Variants in TECPR2 observed in about 807,000 individuals in gnomAD.
TECPR2 encodes the protein tectonin beta-propeller repeat containing 2, also known as tectonin beta-propeller repeat-containing protein 2.
Under a neutral mutation model 138.1 loss-of-function variants are expected in TECPR2, and 65 were observed. The ratio of observed to expected loss-of-function variants is 0.47; its 90% confidence interval spans 0.39 to 0.58. TECPR2 has a LOEUF of 0.58. Ranked by LOEUF, TECPR2 falls within the 20% of genes least tolerant of loss-of-function variation. TECPR2 has a pLI of 0.00. For synonymous variants in TECPR2, 746 were observed against 749.8 expected (o/e 0.99, Z 0.08); for missense variants, 1,553 against 1,824.5 (o/e 0.85, Z 2.71).
Position 102,493,544 on chromosome 14 carries a change from G to A in TECPR2, c.3790-3435G>A, listed in dbSNP as rs117216677. Among the ~76,000 whole-genome samples, 103 of 152,366 alleles carry A rather than the reference G, an allele frequency of 6.8e-4. 4 individuals carry two copies. The East Asian group carries it at 0.016, about 24-fold the overall frequency. On this transcript the variant is annotated intron_variant, in intron 17 of 19. Coordinates refer to ENST00000359520, the MANE Select transcript of TECPR2 (RefSeq NM_014844.5). ...AAATGGATGTGATGTATGGAAAGGG[G>A]GTTCCATAGCCAAACAAGTTAAGCT...
chr14:102,389,751 C>T (rs17717538), intron 2 of TECPR2, among the ~76,000 whole-genome samples: 5,726 of 152,188 alleles, frequency 0.038, 122 homozygotes, highest in Middle Eastern at 0.088. Flanking sequence ...TTTCCTTTAC[C>T]GGGAATTTGC....
chr14:102,406,635 C>A (rs907946649), intron 2 of TECPR2, among the ~76,000 whole-genome samples: 1 of 152,126 alleles, frequency 6.6e-6, no homozygotes, highest in Non-Finnish European at 1.5e-5. Context: ...AGGAAGATCC[C>A]TTGTGCCCAG....
intron 16 of TECPR2, among the ~76,000 whole-genome samples, chr14:102,464,798 T>A (rs999339811): frequency 6.6e-6 from 1 of 152,184 alleles, no homozygotes; most frequent in East Asian, 1.9e-4. Flanking sequence ...GGGACCCACA[T>A]TGAGATACTA....
At chr14:102,458,160 C>T (rs1253898994) in intron 16 of TECPR2, among the ~76,000 whole-genome samples, 1 of 152,094 alleles carries the variant, frequency 6.6e-6, no homozygotes, top group Admixed American at 6.5e-5. Context: ...AGGTGTGAGC[C>T]ACTGAGCCCT....
At position 102,375,012 on chromosome 14, in the gene TECPR2, T is replaced by G. The variant is rs529489750; in HGVS notation, c.-72-1638T>G. ...GAGTGGCAGGCAGGCAGATAACCAG[T>G]CAGAGAAAAGAAAGGAGATGTGTGG... is the stretch of plus-strand genomic sequence containing the variant. On this transcript the variant is annotated intron_variant, in intron 1 of 19. Coordinates refer to ENST00000359520, the MANE Select transcript of TECPR2 (RefSeq NM_014844.5). Among the ~76,000 whole-genome samples the G allele has an allele frequency of 1.6e-3, 237 of 151,910 alleles. 1 individual carries two copies. Among genetic ancestry groups the G allele is most frequent in the African/African-American group, 5.2e-3 (216 of 41,428 alleles).
chr14:102,496,892 C>A (rs1163850517), intron 17 of TECPR2, 87 bp from the exon 18 acceptor site: 1 of 1,557,562 alleles, frequency 6.4e-7, no homozygotes, highest in Admixed American at 1.8e-5. Context: ...CATGCTGCCA[C>A]TAACATGTCC....
rs140003652 is a variant in TECPR2 at position 102,457,437 on chromosome 14, T to C, written c.3640+4810T>C. Among the ~76,000 whole-genome samples, 518 of 152,272 alleles carry C rather than the reference T, an allele frequency of 3.4e-3. 5 individuals carry two copies. The highest frequency in any genetic ancestry group is 0.012 in the African/African-American group (488 of 41,562). ...TAAGTGAAAATTTTGAATGCAGGTG[T>C]GCTGTCTGCCCAGGAGCCCGTGTAT... On this transcript the variant is annotated intron_variant, in intron 16 of 19. Transcript: ENST00000359520.
intron 9 of TECPR2, among the ~76,000 whole-genome samples, chr14:102,436,195 G>A (rs1889665730): frequency 1.3e-5 from 2 of 152,220 alleles, no homozygotes; most frequent in African/African-American, 4.8e-5. Context: ...CATAGCAAAT[G>A]AAGGGCGGGC....
chr14:102,413,799 G>T (rs757774820), intron 4 of TECPR2, among the ~76,000 whole-genome samples: 25 of 150,278 alleles, frequency 1.7e-4, no homozygotes, highest in Non-Finnish European at 2.7e-4. Context: ...ATAAAATATG[G>T]TTTTTTTTTC....
intron 2 of TECPR2, among the ~76,000 whole-genome samples, chr14:102,398,072 CAAAAAAAAA>C (rs560266373): frequency 2.2e-5 from 1 of 45,804 alleles, no homozygotes; most frequent in Non-Finnish European, 4.7e-5. Flanking sequence ...GATTCTGTCT[CAAAAAAAAA>C]AAAAAAAAAA....
chr14:102,383,783 T>C (rs1453364942), intron 2 of TECPR2, among the ~76,000 whole-genome samples: 3 of 152,146 alleles, frequency 2.0e-5, no homozygotes, highest in Admixed American at 6.5e-5. Context: ...AATACTAAAG[T>C]TGAAGTTTAT....
rs755344457 is a variant in TECPR2 at position 102,432,030 on chromosome 14, T to C, written c.1319T>C (p.Leu440Pro). Residue 440 changes from leucine (L) to proline (P), a missense_variant, in exon 8 of 20, where the codon CTG (leucine) becomes CCG (proline). Transcript: ENST00000359520. ...GAGCTGGGCAAGGGCAGCCAGCCCC[T>C]GTCACAGAGATTCAACGCCATCAGC... is the stretch of plus-strand genomic sequence containing the variant. The part of the protein sequence containing the change: ...TPELGKGSQP[L>P]SQRFNAISSE... 6.2e-7 allele frequency: 1 copy of C among 1,612,618 alleles called. No homozygotes were observed. The highest frequency in any genetic ancestry group is 1.7e-5 in the Admixed American group (1 of 60,004).
At chr14:102,438,715 C>CT (rs1423699049) in intron 10 of TECPR2, among the ~76,000 whole-genome samples, 1 of 152,170 alleles carries the variant, frequency 6.6e-6, no homozygotes, top group South Asian at 2.1e-4. Flanking sequence ...CTCCCTGACT[C>CT]TAAAAGGAAA....
chr14:102,440,294 G>A, intron 10 of TECPR2, 142 bp from the exon 11 acceptor site: 3 of 1,142,886 alleles, frequency 2.6e-6, no homozygotes, highest in South Asian at 3.1e-5. Context: ...ACCTGGGTCT[G>A]GTGGCCTCTT....
chr14:102,386,876 C>T (rs1013423981), intron 2 of TECPR2, among the ~76,000 whole-genome samples: 1 of 152,066 alleles, frequency 6.6e-6, no homozygotes, highest in African/African-American at 2.4e-5. Context: ...GGTACAATCC[C>T]CACTTTTTAT....
chr14:102,448,073 A>G (rs117776478), intron 13 of TECPR2, among the ~76,000 whole-genome samples: 1,765 of 152,264 alleles, frequency 0.012, 18 homozygotes, highest in Middle Eastern at 0.051. Flanking sequence ...AATGATTTTA[A>G]AATACCTTTT....
chr14:102,424,116 G>GT (rs1431804045), intron 5 of TECPR2, among the ~76,000 whole-genome samples: 1 of 152,192 alleles, frequency 6.6e-6, no homozygotes, highest in Non-Finnish European at 1.5e-5. Flanking sequence ...AGCGTAGGTG[G>GT]TAGGTACAGC....
rs771084905 is a variant in TECPR2 at position 102,407,397 on chromosome 14, A to G, written c.279A>G (p.Ala93=). 2 of 1,613,840 alleles carry G rather than the reference A, an allele frequency of 1.2e-6. No homozygotes were observed. ...KLLSCFDDLV[A]AGTASGRVAV... ...TGAGCTGCTTTGATGACCTGGTGGCAGCAGGCACAGCCTCTGGCAGGGTTG... is the reference window on the plus strand; with the variant it reads ...TGAGCTGCTTTGATGACCTGGTGGCGGCAGGCACAGCCTCTGGCAGGGTTG... The change falls in exon 3 of 20, where the codon GCA becomes GCG. Residue 93 remains alanine (A), a synonymous_variant. Coordinates refer to ENST00000359520, the MANE Select transcript of TECPR2 (RefSeq NM_014844.5).
chr14:102,472,898 C>G (rs1245774114), intron 17 of TECPR2, among the ~76,000 whole-genome samples: 1 of 152,244 alleles, frequency 6.6e-6, no homozygotes, highest in Non-Finnish European at 1.5e-5. Flanking sequence ...AGGCGCTTCT[C>G]CCGGGCTGCT....
Sources: allele counts gnomAD v4.1 joint callset (sites outside exome capture counted in the v4.1 genomes callset), GRCh38; gene constraint gnomAD v4.1.1; transcripts MANE v1.5; gene names NCBI Gene and HGNC (gene_info 2026-07-23, HGNC 2026-07-21).